DNHD1: variants seen among roughly 807,000 people sequenced by gnomAD.
The protein encoded by DNHD1 is dynein heavy chain domain-containing protein 1.
DNHD1 carries 383 observed loss-of-function variants against 458.1 expected under a neutral mutation model. The ratio of observed to expected loss-of-function variants is 0.84; its 90% CI spans 0.77 to 0.91. The LOEUF is 0.91. Ranked by LOEUF, DNHD1 falls within the 40% of genes least tolerant of loss-of-function variation. DNHD1 has a pLI of 0.00. For missense variants in DNHD1, 5,336 were observed against 5,866.1 expected (o/e 0.91, Z 2.95); for synonymous variants, 2,203 against 2,376.9 (o/e 0.93, Z 2.13).
At chr11:6,560,127 A>G (rs1027472846) in intron 28 of DNHD1, among the ~76,000 whole-genome samples, 2 of 152,232 alleles carry the variant, frequency 1.3e-5, no homozygotes, top group Non-Finnish European at 2.9e-5. Flanking sequence ...GAAGAATTCT[A>G]AAATAGCACC....
chr11:6,543,849 T>TACTC (rs1371146635), intron 18 of DNHD1, among the ~76,000 whole-genome samples: 1 of 148,746 alleles, frequency 6.7e-6, no homozygotes. Context: ...TAATCCCAGC[T>TACTC]ACTCAGGAGG....
chr11:6,555,108 G>T (rs1244475866), intron 24 of DNHD1, among the ~76,000 whole-genome samples: 3 of 152,036 alleles, frequency 2.0e-5, no homozygotes, highest in African/African-American at 7.3e-5. Context: ...GGCCATTCAG[G>T]CATTTGCCTG....
rs1434610516 is a variant in DNHD1, at chr11:6,544,183, A to G, written c.3691A>G (p.Ile1231Val). 6 of 1,551,518 alleles carry G rather than the reference A, an allele frequency of 3.9e-6. No individual in the cohort carries two copies. The highest frequency in any genetic ancestry group is 1.4e-5 in the African/African-American group (1 of 73,038). Reference sequence around the variant, plus strand: ...TCAGGTGTTGTCCAAGATCTTGGCCATCGAAAAGTCAGGAGATTTAAACAA... The same window carrying G: ...TCAGGTGTTGTCCAAGATCTTGGCCGTCGAAAAGTCAGGAGATTTAAACAA... ...SLQVLSKILA[I>V]EKSGDLNKIA... is the part of the protein sequence containing the mutation. Residue 1231 changes from isoleucine to valine, a missense_variant, in exon 19 of 43, where the codon ATC (isoleucine) becomes GTC (valine). Physicochemically the swap from Ile to Val is conservative, Grantham distance 29 (BLOSUM62 3). This residue lies in a region of DNHD1 where 3,932 missense variants were observed against 4,365.6 expected (regional missense o/e 0.90). Transcript: ENST00000254579.
chr11:6,542,468 C>T (rs181972628), intron 18 of DNHD1, among the ~76,000 whole-genome samples: 1 of 152,246 alleles, frequency 6.6e-6, no homozygotes, highest in African/African-American at 2.4e-5. Flanking sequence ...CCTTCCTCCA[C>T]CTTTGCTCCT....
In DNHD1 at chr11:6,547,476, C is replaced by A. The variant is rs1589886469; in HGVS notation, c.6537C>A (p.Asn2179Lys). ...RLQHRTVAEL[N>K]HMAEVLVPAT... ...AGCACCGGACAGTCGCTGAGCTCAA[C>A]CACATGGCTGAGGTTCTGGTGCCTG... is the stretch of plus-strand genomic sequence containing the variant. Residue 2179 changes from asparagine to lysine, a missense_variant, in exon 21 of 43, where the codon AAC (asparagine) becomes AAA (lysine). Physicochemically the swap from Asn to Lys is moderately conservative, Grantham distance 94. This residue lies in a region of DNHD1 where 3,932 missense variants were observed against 4,365.6 expected (regional missense o/e 0.90). Coordinates refer to ENST00000254579, the MANE Select transcript of DNHD1 (RefSeq NM_144666.3). The A allele has an allele frequency of 1.9e-6, 3 of 1,550,968 alleles. No homozygotes were observed. In the East Asian group the frequency reaches 7.3e-5, roughly 38 times the overall value.
At chr11:6,511,612 G>A (rs1413983931) in intron 7 of DNHD1, among the ~76,000 whole-genome samples, 183 bp downstream of exon 7, 1 of 152,192 alleles carries the variant, frequency 6.6e-6, no homozygotes, top group Non-Finnish European at 1.5e-5. Flanking sequence ...TCAATAACAG[G>A]TGTGCAGAGG....
In DNHD1 at chr11:6,558,978, C is replaced by T; in HGVS notation, c.9288C>T (p.Ala3096=). The T allele has an allele frequency of 6.4e-7, 1 of 1,551,724 alleles. No individual in the cohort carries two copies. The highest frequency in any genetic ancestry group is 8.7e-7 in the Non-Finnish European group (1 of 1,147,000). The part of the protein sequence containing the change: ...AKAMALIHLS[A]THYHEHLCPA... ...CCATGGCTCTTATCCACCTTTCGGC[C>T]ACCCACTACCATGAGCACCTGTGCC... Residue 3096 remains alanine, a synonymous_variant, in exon 27 of 43, where the codon GCC becomes GCT. Transcript: ENST00000254579.
At position 6,497,916 on chromosome 11, in the gene DNHD1, C is replaced by A. The variant is rs1364065358; in HGVS notation, c.-300C>A. 10 of 445,932 alleles carry A rather than the reference C, an allele frequency of 2.2e-5. No homozygotes were observed. Among genetic ancestry groups the A allele is most frequent in the African/African-American group, 3.9e-5 (2 of 50,704 alleles). The allele number at this position is 445,932 out of a possible 1,614,324, so 27.6% of individuals were successfully genotyped here. A position where few individuals can be genotyped will look rare whatever the true frequency, so the allele number is the denominator to read the frequency against. On this transcript the variant is annotated 5_prime_UTR_variant, in exon 3 of 43. Coordinates refer to ENST00000254579, the MANE Select transcript of DNHD1 (RefSeq NM_144666.3). ...GGAGGGCTCTCACGTCTGTCTTAGG[C>A]CTGCTCCTTACCAGAGTCTTTGGGG...
chr11:6,538,582 C>T, intron 15 of DNHD1, 30 bp from the exon 16 acceptor site: 2 of 1,549,754 alleles, frequency 1.3e-6, no homozygotes, highest in Non-Finnish European at 1.7e-6. Context: ...GGAAGAGTCT[C>T]AAGCTGACAG....
At chr11:6,555,005 T>G (rs747063093) in intron 24 of DNHD1, among the ~76,000 whole-genome samples, 1 of 152,192 alleles carries the variant, frequency 6.6e-6, no homozygotes, top group Non-Finnish European at 1.5e-5. Flanking sequence ...TCCACCCAAA[T>G]GGCTCCAGGT....
intron 7 of DNHD1, among the ~76,000 whole-genome samples, chr11:6,518,814 C>T (rs553062974): frequency 1.3e-5 from 2 of 152,202 alleles, no homozygotes; most frequent in South Asian, 4.2e-4. Context: ...GTGCTTAGGA[C>T]TTAACTGTCT....
chr11:6,548,048 C>G lies in DNHD1; in HGVS notation c.6905+8C>G. 6.4e-7 allele frequency: 1 copy of G among 1,551,652 alleles called. No individual in the cohort carries two copies. Among genetic ancestry groups the G allele is most frequent in the South Asian group, 1.2e-5 (1 of 84,058 alleles). On this transcript the variant is annotated splice_region_variant and intron_variant, in intron 22 of 42. Transcript: ENST00000254579. The surrounding 1 kb of genome is among the most constrained non-coding windows in gnomAD (Gnocchi z 4.4). ...AGCCCACCTTCCCTCCAGGTACCTA[C>G]CAGGATGGGGGATGGGAGATGCAGA... is the stretch of plus-strand genomic sequence containing the variant.
At position 6,497,925 on chromosome 11, in the gene DNHD1, T is replaced by C. The variant is rs148771551; in HGVS notation, c.-291T>C. ...TCACGTCTGTCTTAGGCCTGCTCCT[T>C]ACCAGAGTCTTTGGGGAAGCAGTAG... On this transcript the variant is annotated 5_prime_UTR_variant, in exon 3 of 43. Coordinates refer to ENST00000254579, the MANE Select transcript of DNHD1 (RefSeq NM_144666.3). 20 of 469,984 alleles carry C rather than the reference T, an allele frequency of 4.3e-5. No individual in the cohort carries two copies. The Admixed American group carries it at 6.8e-4, about 16-fold the overall frequency. The allele number at this position is 469,984 out of a possible 1,614,324, so 29.1% of individuals were successfully genotyped here.
chr11:6,509,789 G>T (rs1396477919), intron 6 of DNHD1, among the ~76,000 whole-genome samples: 1 of 152,058 alleles, frequency 6.6e-6, no homozygotes, highest in Non-Finnish European at 1.5e-5. Flanking sequence ...GCTACTCTTA[G>T]GTATATTCTG....
chr11:6,523,130 GA>G (rs1244530425), intron 10 of DNHD1, among the ~76,000 whole-genome samples: 1 of 152,172 alleles, frequency 6.6e-6, no homozygotes, highest in Non-Finnish European at 1.5e-5. Flanking sequence ...ATAACTTTTT[GA>G]TATTTGTGGT....
rs898614868 is a variant in DNHD1, at chr11:6,546,225, G to A, written c.5286G>A (p.Leu1762=). 3 of 1,551,802 alleles carry A rather than the reference G, an allele frequency of 1.9e-6. No homozygotes were observed. Among genetic ancestry groups the A allele is most frequent in the South Asian group, 2.4e-5 (2 of 84,012 alleles). Residue 1762 remains leucine, a synonymous_variant, in exon 21 of 43, where the codon TTG becomes TTA. Transcript: ENST00000254579. ...LGQRLGELHH[L]YAPLYQEASR... is the part of the protein sequence containing the mutation. ...AGCGCCTGGGTGAACTGCACCACTT[G>A]TATGCCCCACTGTACCAGGAGGCTT...
rs1331104945 is a variant in DNHD1 at position 6,512,485 on chromosome 11, G to A, written c.1392+1056G>A. Among the ~76,000 whole-genome samples the A allele has an allele frequency of 4.6e-5, 7 of 151,898 alleles. No individual in the cohort carries two copies. In the East Asian group the frequency reaches 1.2e-3, roughly 25 times the overall value. ...GATCCGCCCACCTCGGCCTCCCAAA[G>A]TGCTGGGATTACAGGTGTGAACCAC... On this transcript the variant is annotated intron_variant, in intron 7 of 42. Coordinates refer to ENST00000254579, the MANE Select transcript of DNHD1 (RefSeq NM_144666.3).
intron 4 of DNHD1, chr11:6,503,570 ATC>A (rs1852178690): frequency 6.6e-6 from 1 of 152,180 alleles, no homozygotes; most frequent in South Asian, 2.1e-4. Flanking sequence ...TGCAGTCTCA[ATC>A]TCTCTGGCTC....
Position 6,568,724 on chromosome 11 carries a change from G to A in DNHD1, c.12721G>A (p.Val4241Ile). 1.2e-6 allele frequency: 2 copies of A among 1,613,856 alleles called. No individual in the cohort carries two copies. Among genetic ancestry groups the A allele is most frequent in the Non-Finnish European group, 1.7e-6 (2 of 1,179,842 alleles). ...GAACCAGTCCCTGGAGCTGGGCCAT[G>A]TTTTGATTGACAGTGTGGAGCTAGC... ...FWNQSLELGH[V>I]LIDSVELAQQ... Residue 4241 changes from valine (V) to isoleucine (I), a missense_variant, in exon 39 of 43, where the codon GTT becomes ATT. Physicochemically the swap from Val to Ile is conservative, Grantham distance 29. Around this residue, in one of 4 missense-constraint regions of DNHD1, gnomAD observed 695 missense variants for 804.2 expected, o/e 0.86. Transcript: ENST00000254579.
Sources: gnomAD v4.1 joint callset for allele counts (sites outside exome capture counted in the v4.1 genomes callset) on GRCh38, gnomAD v4.1.1 for gene constraint, gnomAD v4.1.1 regional missense constraint, Gnocchi (gnomAD v3.1) non-coding constraint, MANE v1.5 for transcripts, NCBI Gene and HGNC (gene_info 2026-07-23, HGNC 2026-07-21) for gene names.